WNT8B: variants seen among roughly 807,000 people sequenced by gnomAD.
The protein encoded by WNT8B is protein Wnt-8b.
Under a neutral mutation model 36.6 loss-of-function variants are expected in WNT8B, and 24 were observed. That is an observed-to-expected ratio of 0.66 (90% CI 0.48 to 0.92). WNT8B has a LOEUF of 0.92. WNT8B is among the 40% of genes least tolerant of loss of function. WNT8B has a pLI of 0.00. For synonymous variants in WNT8B, 199 were observed against 189.8 expected (o/e 1.05, Z -0.40); for missense variants, 402 against 470.8 (o/e 0.85, Z 1.35).
chr10:100,474,746 G>A (rs1851018552), intron 1 of WNT8B, among the ~76,000 whole-genome samples: 1 of 151,936 alleles, frequency 6.6e-6, no homozygotes, highest in South Asian at 2.1e-4. Flanking sequence ...TGTATTTTTA[G>A]TAGAGACGGG....
At chr10:100,474,714 A>C (rs956227101) in intron 1 of WNT8B, among the ~76,000 whole-genome samples, 7 of 151,892 alleles carry the variant, frequency 4.6e-5, no homozygotes, top group Non-Finnish European at 7.4e-5. Flanking sequence ...ACAGGGGTGC[A>C]TCACCACGCC....
chr10:100,482,630 C>G lies in WNT8B; in HGVS notation c.870C>G (p.Leu290=), dbSNP rs756321823. The G allele has an allele frequency of 3.1e-6, 5 of 1,602,756 alleles. No homozygotes were observed. ...GGGAACGCCGCAGCTGCCGCCGGCT[C>G]TGCGGGGACTGCGGGCTGGCGGTGG... ...GRWERRSCRR[L]CGDCGLAVEE... The change falls in exon 6 of 6, where the codon CTC becomes CTG. Residue 290 remains leucine (L), a synonymous_variant. Coordinates refer to ENST00000343737, the MANE Select transcript of WNT8B (RefSeq NM_003393.4). The surrounding 1 kb of genome is among the most constrained non-coding windows in gnomAD (Gnocchi z 6.6).
intron 1 of WNT8B, among the ~76,000 whole-genome samples, chr10:100,470,658 A>G (rs1231924780): frequency 1.3e-5 from 2 of 152,250 alleles, no homozygotes; most frequent in Non-Finnish European, 2.9e-5. Context: ...ACAGGGCACT[A>G]AGATGAAAGT....
chr10:100,463,952 C>G (rs906792550), intron 1 of WNT8B, among the ~76,000 whole-genome samples: 4 of 152,174 alleles, frequency 2.6e-5, no homozygotes, highest in Admixed American at 1.3e-4. Context: ...CATAAACTAT[C>G]TATACATGCA....
chr10:100,476,400 G>A (rs1851038715), intron 1 of WNT8B, among the ~76,000 whole-genome samples: 1 of 152,042 alleles, frequency 6.6e-6, no homozygotes, highest in Admixed American at 6.6e-5. Context: ...CATCTCATAT[G>A]GCAGCCTCTT....
chr10:100,468,363 T>C (rs1850934536), intron 1 of WNT8B, among the ~76,000 whole-genome samples: 1 of 152,214 alleles, frequency 6.6e-6, no homozygotes, highest in African/African-American at 2.4e-5. Context: ...TCGATGCAAC[T>C]GAGAACATAA....
rs1159270279 is a variant in WNT8B, at chr10:100,482,818, G to C, written c.*2G>C. 1 of 1,535,034 alleles carries C rather than the reference G, an allele frequency of 6.5e-7. No individual in the cohort carries two copies. The highest frequency in any genetic ancestry group is 1.2e-5 in the South Asian group (1 of 80,082). Reference sequence around the variant, plus strand: ...CACAAACCCGGGAGAAAACCCTAAGGGTTTCCTCTGCCCCCTCCTTTTCCC... The same window carrying C: ...CACAAACCCGGGAGAAAACCCTAAGCGTTTCCTCTGCCCCCTCCTTTTCCC... On this transcript the variant is annotated 3_prime_UTR_variant, in exon 6 of 6. Coordinates refer to ENST00000343737, the MANE Select transcript of WNT8B (RefSeq NM_003393.4). The surrounding 1 kb of genome is among the most constrained non-coding windows in gnomAD (Gnocchi z 6.6).
intron 1 of WNT8B, among the ~76,000 whole-genome samples, chr10:100,475,977 T>C (rs1589724607): frequency 6.6e-6 from 1 of 152,156 alleles, no homozygotes; most frequent in East Asian, 1.9e-4. Context: ...TGAATTAAGG[T>C]TGCCTACCAA....
rs902078987 is a variant in WNT8B at position 100,483,261 on chromosome 10, C to T, written c.*445C>T. 1.3e-5 allele frequency: 2 copies of T among 159,008 alleles called. No homozygotes were observed. Among genetic ancestry groups the T allele is most frequent in the African/African-American group, 4.8e-5 (2 of 41,758 alleles). The allele number at this position is 159,008 out of a possible 1,614,324, so 9.8% of individuals were successfully genotyped here. A position where few individuals can be genotyped will look rare whatever the true frequency, so the allele number is the denominator to read the frequency against. On this transcript the variant is annotated 3_prime_UTR_variant, in exon 6 of 6. Transcript: ENST00000343737. ...ACTGCTGCACCTCTCTTCTGCACAG[C>T]TCCTCCCCTGCTACCTGCTGAGCCA...
chr10:100,466,733 C>T (rs1850910773), intron 1 of WNT8B, among the ~76,000 whole-genome samples: 1 of 151,870 alleles, frequency 6.6e-6, no homozygotes, highest in Non-Finnish European at 1.5e-5. Flanking sequence ...AATCTAAACC[C>T]TCTCCTTCCA....
intron 2 of WNT8B, among the ~76,000 whole-genome samples, chr10:100,479,609 T>G (rs1851084310): frequency 6.6e-6 from 1 of 152,180 alleles, no homozygotes; most frequent in Non-Finnish European, 1.5e-5. Context: ...CTGATAAAAC[T>G]GAGTTTCATT....
intron 1 of WNT8B, among the ~76,000 whole-genome samples, chr10:100,471,559 C>T (rs756911116): frequency 5.3e-5 from 8 of 152,302 alleles, no homozygotes; most frequent in African/African-American, 1.4e-4. Flanking sequence ...TGGCTTAGGC[C>T]GCTCAGAAAT....
chr10:100,471,395 A>T (rs184900078), intron 1 of WNT8B, among the ~76,000 whole-genome samples: 215 of 152,344 alleles, frequency 1.4e-3, no homozygotes, highest in Non-Finnish European at 1.9e-3. Context: ...TGCCCAGGGG[A>T]TGTCGTGCTA....
chr10:100,475,284 G>A (rs1667023741), intron 1 of WNT8B, among the ~76,000 whole-genome samples: 1 of 152,100 alleles, frequency 6.6e-6, no homozygotes, highest in Non-Finnish European at 1.5e-5. Context: ...GGGAGGTGGA[G>A]TCTGCAGTGA....
intron 1 of WNT8B, among the ~76,000 whole-genome samples, chr10:100,466,264 TA>T (rs779850221): frequency 2.0e-5 from 3 of 151,504 alleles, no homozygotes; most frequent in East Asian, 1.9e-4. Context: ...CCTTGGTTCA[TA>T]AAAAAAAGTG....
Position 100,482,094 on chromosome 10 carries a change from A to G in WNT8B, c.510+40A>G. The G allele has an allele frequency of 6.2e-7, 1 of 1,612,450 alleles. No individual in the cohort carries two copies. The highest frequency in any genetic ancestry group is 8.5e-7 in the Non-Finnish European group (1 of 1,178,822). On this transcript the variant is annotated intron_variant, in intron 5 of 5. Coordinates refer to ENST00000343737, the MANE Select transcript of WNT8B (RefSeq NM_003393.4). This position sits in a 1 kb window ranked among gnomAD's most constrained non-coding sequence, Gnocchi z 6.6. ...CCTTGGAAATAGGCAGCTGCTGGCT[A>G]TATCCACTACCAGCTCCAGGTGCGG... is the stretch of plus-strand genomic sequence containing the variant.
rs1288171189 is a variant in WNT8B at position 100,479,891 on chromosome 10, C to T, written c.120C>T (p.Ser40=). The T allele has an allele frequency of 1.2e-6, 2 of 1,614,004 alleles. No homozygotes were observed. ...CCCTACAGGCTTACCTGATTTACTC[C>T]AGCAGTGTGGCAGCTGGTGCCCAGA... The part of the protein sequence containing the change: ...MTGPKAYLIY[S]SSVAAGAQSG... Residue 40 remains serine, a synonymous_variant, in exon 3 of 6, where the codon TCC becomes TCT. Coordinates refer to ENST00000343737, the MANE Select transcript of WNT8B (RefSeq NM_003393.4).
chr10:100,475,403 T>C (rs1453363002), intron 1 of WNT8B, among the ~76,000 whole-genome samples: 1 of 152,154 alleles, frequency 6.6e-6, no homozygotes. Flanking sequence ...AGTCACTTTA[T>C]AGGAATGTTG....
Position 100,479,868 on chromosome 10 carries a change from C to CTACA in WNT8B, c.103-5_103-2dup. On this transcript the variant is annotated splice_region_variant and splice_polypyrimidine_tract_variant and intron_variant, in intron 2 of 5. Coordinates refer to ENST00000343737, the MANE Select transcript of WNT8B (RefSeq NM_003393.4). Reference sequence around the variant, plus strand: ...AGTCTGAATTTTTACCCCTATGTCCCTACAGGCTTACCTGATTTACTCCAG... The same window carrying CTACA: ...AGTCTGAATTTTTACCCCTATGTCCCTACATACAGGCTTACCTGATTTACTCCAG... The CTACA allele has an allele frequency of 2.5e-6, 4 of 1,613,828 alleles. No individual in the cohort carries two copies. The African/African-American group carries it at 5.3e-5, about 22-fold the overall frequency.
Sources: gnomAD v4.1 joint callset for allele counts (sites outside exome capture counted in the v4.1 genomes callset) on GRCh38, gnomAD v4.1.1 for gene constraint, Gnocchi (gnomAD v3.1) non-coding constraint, MANE v1.5 for transcripts, NCBI Gene and HGNC (gene_info 2026-07-23, HGNC 2026-07-21) for gene names.